Variants in CLCN3 observed in about 807,000 individuals in gnomAD.
CLCN3 encodes the protein H(+)/Cl(-) exchange transporter 3.
Under a neutral mutation model 83.4 loss-of-function variants are expected in CLCN3, and 16 were observed. The ratio of observed to expected loss-of-function variants is 0.19; its 90% confidence interval spans 0.13 to 0.29. The LOEUF (loss-of-function observed/expected upper bound fraction) is 0.29. Ranked by LOEUF, CLCN3 falls within the 10% of genes least tolerant of loss-of-function variation. CLCN3 has a pLI of 1.00. For synonymous variants in CLCN3, 322 were observed against 346.2 expected, an observed-to-expected ratio of 0.93 and a Z score of 0.78; for missense variants, 544 against 1,006.0, an observed-to-expected ratio of 0.54 and a Z score of 6.21.
chr4:169,620,624 G>A lies in CLCN3; in HGVS notation c.-456G>A, dbSNP rs1773088120. The stretch of plus-strand genomic sequence containing the variant: ...GGGCCGGTCCGGTCCGGAACCTGCA[G>A]CCCCTTTCCCAGTGTTCTAGTTCGC... On this transcript the variant is annotated 5_prime_UTR_variant, in exon 1 of 13. Transcript: ENST00000513761. 7.5e-6 allele frequency: 3 copies of A among 397,510 alleles called. No individual in the cohort carries two copies. The highest frequency in any genetic ancestry group is 6.3e-4 in the Middle Eastern group (1 of 1,588). The allele number at this position is 397,510 out of a possible 1,614,324, so 24.6% of individuals were successfully genotyped here. A position where few individuals can be genotyped will look rare whatever the true frequency, so the allele number is the denominator to read the frequency against.
intron 2 of CLCN3, among the ~76,000 whole-genome samples, chr4:169,638,213 G>C (rs1730289274): frequency 6.6e-6 from 1 of 152,066 alleles, no homozygotes; most frequent in Non-Finnish European, 1.5e-5. Flanking sequence ...ATGTATCCTT[G>C]ATTTATTAGT....
At chr4:169,642,352 C>G (rs1487560654) in intron 2 of CLCN3, among the ~76,000 whole-genome samples, 2 of 152,138 alleles carry the variant, frequency 1.3e-5, no homozygotes, top group East Asian at 3.8e-4. Flanking sequence ...AAAACCTAAC[C>G]AATTGTTCAG....
chr4:169,642,721 C>G (rs1264732064), intron 2 of CLCN3: 1 of 152,264 alleles, frequency 6.6e-6, no homozygotes. Flanking sequence ...CGGGGTTTCT[C>G]CATGTTGCTC....
intron 12 of CLCN3, among the ~76,000 whole-genome samples, chr4:169,717,375 G>T (rs963648924): frequency 6.6e-6 from 1 of 152,090 alleles, no homozygotes; most frequent in African/African-American, 2.4e-5. Flanking sequence ...AGATCCAGAT[G>T]ATAACTGCTG....
intron 8 of CLCN3, among the ~76,000 whole-genome samples, chr4:169,696,634 A>G (rs1732574513): frequency 6.6e-6 from 1 of 152,096 alleles, no homozygotes; most frequent in Non-Finnish European, 1.5e-5. Flanking sequence ...GCAATAGAAC[A>G]CCAGAACTTA....
intron 11 of CLCN3, among the ~76,000 whole-genome samples, chr4:169,707,954 TCCC>T (rs369938833): frequency 2.6e-5 from 4 of 152,220 alleles, no homozygotes; most frequent in African/African-American, 9.6e-5. Flanking sequence ...TACCTTATAG[TCCC>T]GCAGTATTGA....
chr4:169,672,104 C>A (rs376116645), intron 2 of CLCN3, among the ~76,000 whole-genome samples: 7 of 151,738 alleles, frequency 4.6e-5, no homozygotes, highest in African/African-American at 1.7e-4. Flanking sequence ...CCCAGCTACT[C>A]GGGAGGCTGA....
intron 2 of CLCN3, among the ~76,000 whole-genome samples, chr4:169,637,028 T>C (rs1730230361): frequency 6.6e-6 from 1 of 152,154 alleles, no homozygotes; most frequent in South Asian, 2.1e-4. Context: ...TCTTCACCTA[T>C]ACATGATAAC....
At chr4:169,621,288 A>C (rs1225169493) in intron 1 of CLCN3, among the ~76,000 whole-genome samples, 1 of 152,226 alleles carries the variant, frequency 6.6e-6, no homozygotes, top group East Asian at 1.9e-4. Context: ...AGGACCTCTG[A>C]ATAAAATGGA....
intron 1 of CLCN3, among the ~76,000 whole-genome samples, chr4:169,633,158 G>A (rs1015218952): frequency 3.4e-4 from 51 of 152,070 alleles, no homozygotes; most frequent in Admixed American, 7.2e-4. Flanking sequence ...GGTTACAGGC[G>A]GCTGCCACCA....
intron 1 of CLCN3, among the ~76,000 whole-genome samples, chr4:169,624,681 G>A (rs1009688096): frequency 1.1e-4 from 16 of 152,102 alleles, no homozygotes; most frequent in African/African-American, 3.9e-4. Flanking sequence ...AAATATAATG[G>A]CATTAATACA....
intron 3 of CLCN3, among the ~76,000 whole-genome samples, chr4:169,687,063 TTA>T (rs745576185): frequency 5.1e-4 from 77 of 152,310 alleles, no homozygotes; most frequent in Middle Eastern, 3.4e-3. Context: ...GGACATGGTA[TTA>T]TTATACACAG....
At chr4:169,681,348 A>G (rs10520162) in intron 3 of CLCN3, among the ~76,000 whole-genome samples, 17,633 of 152,286 alleles carry the variant, frequency 0.12, 1,130 homozygotes, top group East Asian at 0.17. Context: ...TCCAAATCTC[A>G]AAAGGCCCTA....
At chr4:169,718,062 A>C (rs559294844) in intron 12 of CLCN3, among the ~76,000 whole-genome samples, 1 of 152,348 alleles carries the variant, frequency 6.6e-6, no homozygotes. Context: ...ATTTATAGAA[A>C]GTAAGCAAAA....
intron 2 of CLCN3, among the ~76,000 whole-genome samples, chr4:169,639,870 A>T (rs1730356291): frequency 6.6e-6 from 1 of 152,200 alleles, no homozygotes; most frequent in Non-Finnish European, 1.5e-5. Flanking sequence ...ATATGTGTTG[A>T]ATGAAAATCC....
At chr4:169,646,456 G>A (rs867778797) in intron 2 of CLCN3, among the ~76,000 whole-genome samples, 1 of 151,432 alleles carries the variant, frequency 6.6e-6, no homozygotes, top group African/African-American at 2.4e-5. Flanking sequence ...GCCCAGCTAA[G>A]TTTTTATACT....
At chr4:169,693,083 T>C (rs1487288095) in intron 7 of CLCN3, among the ~76,000 whole-genome samples, 8 of 152,184 alleles carry the variant, frequency 5.3e-5, no homozygotes, top group Admixed American at 2.6e-4. Flanking sequence ...TTTTAAGATA[T>C]GATTTTTTGA....
intron 3 of CLCN3, 200 bp downstream of exon 3, chr4:169,680,407 A>G (rs144318712): frequency 1.8e-4 from 81 of 438,930 alleles, no homozygotes; most frequent in African/African-American, 1.5e-3. Context: ...CTTTCCAGAA[A>G]GGATTTCAGG....
chr4:169,642,342 A>G (rs1730437797), intron 2 of CLCN3, among the ~76,000 whole-genome samples: 2 of 152,348 alleles, frequency 1.3e-5, no homozygotes, highest in East Asian at 1.9e-4. Flanking sequence ...TTATAAAACA[A>G]AAACCTAACC....
Sources: gnomAD v4.1 joint callset for allele counts (sites outside exome capture counted in the v4.1 genomes callset) on GRCh38, gnomAD v4.1.1 for gene constraint, MANE v1.5 for transcripts, NCBI Gene and HGNC (gene_info 2026-07-23, HGNC 2026-07-21) for gene names.